The following LCORL variants were observed in gnomAD, a reference collection of about 807,000 sequenced individuals.
LCORL encodes the protein ligand-dependent nuclear receptor corepressor-like protein.
In LCORL, 41 loss-of-function variants were observed where a neutral mutation model predicts 141.8. The observed-to-expected ratio is 0.29, with a 90% CI of 0.23 to 0.38. The LOEUF (loss-of-function observed/expected upper bound fraction) is 0.38, where lower values mean the gene tolerates loss of function less well. Among genes scored for constraint, LCORL ranks in the 10% least tolerant of loss-of-function variants. LCORL has a pLI of 1.00. For missense variants in LCORL, 1,759 were observed against 2,035.0 expected, an observed-to-expected ratio of 0.86 and a Z score of 2.61; for synonymous variants, 618 against 694.1, an observed-to-expected ratio of 0.89 and a Z score of 1.72.
In LCORL at chr4:17,912,285, G is replaced by T. The variant is rs553762981; in HGVS notation, c.431-2940C>A. Reference sequence around the variant, plus strand: ...TCACTGATGAAACCAATGTCACTTGGCTGCAGCTGGAGACACAGATCGAGG... The same window carrying T: ...TCACTGATGAAACCAATGTCACTTGTCTGCAGCTGGAGACACAGATCGAGG... On this transcript the variant is annotated intron_variant, in intron 4 of 7. Transcript: ENST00000635767. 9.1e-5 allele frequency: 62 copies of T among 684,110 alleles called. 1 individual carries two copies. Among genetic ancestry groups the T allele is most frequent in the Admixed American group, 2.5e-4 (14 of 56,258 alleles). The allele number at this position is 684,110 out of a possible 1,614,324, so 42.4% of individuals were successfully genotyped here. A position where few individuals can be genotyped will look rare whatever the true frequency, so the allele number is the denominator to read the frequency against.
chr4:17,919,973 G>A (rs1734035350), intron 4 of LCORL, among the ~76,000 whole-genome samples: 1 of 152,204 alleles, frequency 6.6e-6, no homozygotes. Flanking sequence ...CCTGGAGGGT[G>A]GCACACCCAG....
chr4:17,908,242 G>T (rs1020721328), intron 5 of LCORL, among the ~76,000 whole-genome samples: 1 of 152,104 alleles, frequency 6.6e-6, no homozygotes, highest in African/African-American at 2.4e-5. Context: ...ATGTTGGTCA[G>T]GCTGGTCTTG....
At chr4:17,864,973 C>T (rs1725471189) in intron 7 of LCORL, among the ~76,000 whole-genome samples, 1 of 152,096 alleles carries the variant, frequency 6.6e-6, no homozygotes, top group Non-Finnish European at 1.5e-5. Flanking sequence ...AATGCATATG[C>T]AACTATTTAC....
intron 4 of LCORL, among the ~76,000 whole-genome samples, chr4:17,948,797 T>C (rs1460266845): frequency 1.3e-5 from 2 of 150,822 alleles, no homozygotes; most frequent in Non-Finnish European, 3.0e-5. Flanking sequence ...AGGGAGAAAA[T>C]GGGAAACAAT....
intron 2 of LCORL, among the ~76,000 whole-genome samples, chr4:17,968,856 A>C (rs182885201): frequency 4.3e-4 from 66 of 152,372 alleles, no homozygotes; most frequent in Non-Finnish European, 8.5e-4. Flanking sequence ...ATTCAAAAAC[A>C]GTCAACAAGC....
Position 17,884,074 on chromosome 4 carries a change from A to G in LCORL, c.776+1994T>C. On this transcript the variant is annotated intron_variant, in intron 6 of 7. Coordinates refer to ENST00000635767, the Ensembl canonical transcript of LCORL. The surrounding 1 kb of genome is among the most constrained non-coding windows in gnomAD (Gnocchi z 4.4). ...CATTTTTAGAATTAAGACACAAAGG[A>G]GAGAGGTCCCCATGTAGAAAGTAAG... The G allele has an allele frequency of 6.4e-7, 1 of 1,550,734 alleles. No homozygotes were observed. The highest frequency in any genetic ancestry group is 8.7e-7 in the Non-Finnish European group (1 of 1,146,340).
intron 5 of LCORL, among the ~76,000 whole-genome samples, chr4:17,901,936 G>A (rs993161384): frequency 6.6e-6 from 1 of 152,064 alleles, no homozygotes; most frequent in African/African-American, 2.4e-5. Flanking sequence ...ATCAATGTGT[G>A]TGTCTGTGTA....
intron 1 of LCORL, among the ~76,000 whole-genome samples, chr4:17,990,407 T>C (rs1719784988): frequency 6.6e-6 from 1 of 151,782 alleles, no homozygotes; most frequent in East Asian, 2.0e-4. Flanking sequence ...CCAAAAACTC[T>C]CTGCTTTAAA....
intron 4 of LCORL, among the ~76,000 whole-genome samples, chr4:17,947,332 G>C (rs1739041250): frequency 1.3e-5 from 2 of 151,864 alleles, no homozygotes; most frequent in African/African-American, 4.8e-5. Context: ...AAATCCAGGA[G>C]AATCAAATTC....
intron 1 of LCORL, among the ~76,000 whole-genome samples, chr4:18,003,023 A>G (rs111234915): frequency 0.029 from 4,454 of 152,308 alleles, 84 homozygotes; most frequent in Middle Eastern, 0.054. Context: ...AGGACAATAC[A>G]TATTTTTTTA....
At chr4:17,916,813 T>G (rs984023244) in intron 4 of LCORL, among the ~76,000 whole-genome samples, 1 of 151,818 alleles carries the variant, frequency 6.6e-6, no homozygotes, top group African/African-American at 2.4e-5. Context: ...CCCAGCTAAG[T>G]TTTGTATTTT....
exon 7 of LCORL, chr4:17,876,104 G>C (rs1449017190): frequency 1.6e-6 from 2 of 1,230,816 alleles, no homozygotes; most frequent in Non-Finnish European, 2.0e-6. Flanking sequence ...ATAAAAACAT[G>C]AGTTTGATAG....
intron 5 of LCORL, among the ~76,000 whole-genome samples, chr4:17,891,410 T>C (rs1729061776): frequency 6.6e-6 from 1 of 152,128 alleles, no homozygotes; most frequent in Non-Finnish European, 1.5e-5. Context: ...ATGTTTACAC[T>C]CTTCTAGGTA....
chr4:17,882,153 G>A (rs1200602681), intron 6 of LCORL: 1 of 983,404 alleles, frequency 1.0e-6, no homozygotes, highest in Non-Finnish European at 1.2e-6. Flanking sequence ...AATCTCTTTA[G>A]TATTACACGT....
intron 1 of LCORL, among the ~76,000 whole-genome samples, chr4:17,985,046 C>T (rs570234981): frequency 2.2e-4 from 34 of 151,946 alleles, no homozygotes; most frequent in African/African-American, 7.5e-4. Context: ...TTCAAGAGCA[C>T]GTTGTTTAAT....
chr4:17,953,506 C>T (rs1711893760), intron 4 of LCORL, among the ~76,000 whole-genome samples: 1 of 152,240 alleles, frequency 6.6e-6, no homozygotes, highest in East Asian at 1.9e-4. Flanking sequence ...AATTTAGAAT[C>T]ACTTATATTT....
intron 4 of LCORL, among the ~76,000 whole-genome samples, chr4:17,933,482 T>C (rs919968580): frequency 6.6e-6 from 1 of 152,136 alleles, no homozygotes; most frequent in Non-Finnish European, 1.5e-5. Context: ...TCTTTATTTC[T>C]AAGCAGATTT....
In LCORL at chr4:17,932,724, T is replaced by C. The variant is rs1043936815; in HGVS notation, c.431-23379A>G. Among the ~76,000 whole-genome samples, 4 of 152,312 alleles carry C rather than the reference T, an allele frequency of 2.6e-5. No individual in the cohort carries two copies. The South Asian group carries it at 6.2e-4, about 24-fold the overall frequency. ...ATTGAAACACACCCATACTAATTCA[T>C]TAATGTACTGTCTATGGATATTTTT... is the stretch of plus-strand genomic sequence containing the variant. On this transcript the variant is annotated intron_variant, in intron 4 of 7. Transcript: ENST00000635767.
intron 4 of LCORL, among the ~76,000 whole-genome samples, chr4:17,914,916 T>C (rs1415512644): frequency 6.6e-6 from 1 of 152,188 alleles, no homozygotes; most frequent in Non-Finnish European, 1.5e-5. Flanking sequence ...AATACCCTCT[T>C]AGCCTCCATG....
Sources: allele counts gnomAD v4.1 joint callset (sites outside exome capture counted in the v4.1 genomes callset), GRCh38; gene constraint gnomAD v4.1.1; non-coding constraint Gnocchi (gnomAD v3.1); transcripts MANE v1.5; gene names NCBI Gene and HGNC (gene_info 2026-07-23, HGNC 2026-07-21).